Variants in CYTH1 observed in about 807,000 individuals in gnomAD.
The protein encoded by CYTH1 is cytohesin 1, also known as cytohesin-1.
A neutral mutation model predicts 61.8 loss-of-function variants in CYTH1; 18 were observed. The observed-to-expected ratio is 0.29, with a 90% CI of 0.20 to 0.43. CYTH1 has a LOEUF of 0.43. Ranked by LOEUF, CYTH1 falls within the 20% of genes least tolerant of loss-of-function variation. The pLI, the probability that CYTH1 is intolerant of heterozygous loss-of-function variation, is 1.00. For missense variants in CYTH1, 336 were observed against 510.5 expected (o/e 0.66, Z 3.29); for synonymous variants, 174 against 184.3 (o/e 0.94, Z 0.45).
intron 1 of CYTH1, 118 bp downstream of exon 1, chr17:78,782,084 G>T: frequency 1.1e-6 from 1 of 933,594 alleles, no homozygotes; most frequent in Non-Finnish European, 1.4e-6. Flanking sequence ...CCCGGGCTCC[G>T]CGTCCCGCAC....
At chr17:78,778,934 T>C (rs573004680) in intron 1 of CYTH1, among the ~76,000 whole-genome samples, 1 of 152,264 alleles carries the variant, frequency 6.6e-6, no homozygotes, top group East Asian at 1.9e-4. Context: ...GTGAAACCTA[T>C]GAGGGAAATG....
rs772507196 is a variant in CYTH1 at position 78,698,873 on chromosome 17, C to T, written c.646G>A (p.Ala216Thr). Residue 216 changes from alanine (A) to threonine (T), a missense_variant, in exon 8 of 14, where the codon GCC becomes ACC. Ala to Thr is a moderately conservative substitution (Grantham distance 58). Transcript: ENST00000446868. ...KDKPTVERFI[A>T]MNRGINDGGD... ...CCATCATTGATGCCTCGGTTCATGG[C>T]AATGAACCTCTCCACAGTGGGCTTA... 12 of 1,609,190 alleles carry T rather than the reference C, an allele frequency of 7.5e-6. 1 individual carries two copies. In the South Asian group the frequency reaches 1.3e-4, roughly 18 times the overall value.
chr17:78,738,482 G>A (rs2144627657), intron 1 of CYTH1, among the ~76,000 whole-genome samples: 1 of 152,224 alleles, frequency 6.6e-6, no homozygotes, highest in South Asian at 2.1e-4. Context: ...TGGGGAGCTG[G>A]GAACACACAC....
chr17:78,738,462 C>T (rs1168530801), intron 1 of CYTH1, among the ~76,000 whole-genome samples: 1 of 152,124 alleles, frequency 6.6e-6, no homozygotes. Flanking sequence ...AGACTTTGGC[C>T]AAGTCTCACT....
intron 1 of CYTH1, among the ~76,000 whole-genome samples, chr17:78,776,428 G>A (rs141935508): frequency 0.011 from 1,592 of 151,046 alleles, 27 homozygotes; most frequent in African/African-American, 0.036. Flanking sequence ...AGGCTGAGGC[G>A]GGCAGATCAT....
intron 1 of CYTH1, among the ~76,000 whole-genome samples, chr17:78,732,917 T>A (rs896383862): frequency 6.6e-6 from 1 of 151,790 alleles, no homozygotes; most frequent in African/African-American, 2.4e-5. Context: ...TGAAACCCTG[T>A]CTCTACTAAA....
At chr17:78,735,535 C>A (rs1198189682) in intron 1 of CYTH1, among the ~76,000 whole-genome samples, 2 of 152,240 alleles carry the variant, frequency 1.3e-5, no homozygotes, top group Admixed American at 1.3e-4. Context: ...TCTTCAGATA[C>A]AGAAGTATCG....
At chr17:78,775,934 C>T (rs1008842537) in intron 1 of CYTH1, among the ~76,000 whole-genome samples, 3 of 152,116 alleles carry the variant, frequency 2.0e-5, no homozygotes, top group Non-Finnish European at 4.4e-5. Context: ...GTGGGCAAAT[C>T]ACCTGAGGTC....
At chr17:78,732,177 G>A (rs1014612149) in intron 1 of CYTH1, among the ~76,000 whole-genome samples, 42 of 152,292 alleles carry the variant, frequency 2.8e-4, no homozygotes, top group African/African-American at 9.4e-4. Flanking sequence ...GCCCAGACCT[G>A]TGCCTACCAA....
chr17:78,707,529 G>A (rs959369368), intron 3 of CYTH1, among the ~76,000 whole-genome samples: 3 of 152,072 alleles, frequency 2.0e-5, no homozygotes, highest in Admixed American at 6.6e-5. Flanking sequence ...CTTTGAAATC[G>A]TATCAGCAGC....
At position 78,709,454 on chromosome 17, in the gene CYTH1, C is replaced by T. The variant is rs2093104701; in HGVS notation, c.105+196G>A. On this transcript the variant is annotated intron_variant, in intron 2 of 13. Coordinates refer to ENST00000446868, the MANE Select transcript of CYTH1 (RefSeq NM_004762.6). ...ACTGGGTGAACCTGGACAAGCCACT[C>T]AACCTCTCTGACACTGCATCTCCTC... is the stretch of plus-strand genomic sequence containing the variant. The T allele has an allele frequency of 3.4e-5, 19 of 566,314 alleles. No individual in the cohort carries two copies. The East Asian group carries it at 5.4e-4, about 16-fold the overall frequency. 35.1% of individuals were successfully genotyped at this position (566,314 alleles called of 1,614,324 possible). A position where few individuals can be genotyped will look rare whatever the true frequency, so the allele number is the denominator to read the frequency against.
chr17:78,716,455 ATAAG>A (rs1171559729), intron 1 of CYTH1, among the ~76,000 whole-genome samples: 3 of 152,200 alleles, frequency 2.0e-5, no homozygotes, highest in African/African-American at 7.2e-5. Context: ...GCTAGAATAA[ATAAG>A]ACATTTATCT....
intron 11 of CYTH1, among the ~76,000 whole-genome samples, chr17:78,690,005 G>T (rs914489073): frequency 6.6e-6 from 1 of 151,656 alleles, no homozygotes; most frequent in Non-Finnish European, 1.5e-5. Context: ...AATTCGTTCT[G>T]CCCCTTCCCC....
intron 11 of CYTH1, among the ~76,000 whole-genome samples, chr17:78,687,074 C>A (rs946648783): frequency 1.3e-5 from 2 of 152,122 alleles, no homozygotes; most frequent in African/African-American, 4.8e-5. Context: ...AGCCACCGCG[C>A]CCAGCCTACA....
chr17:78,742,028 T>C (rs1216154514), intron 1 of CYTH1, among the ~76,000 whole-genome samples: 2 of 152,240 alleles, frequency 1.3e-5, no homozygotes, highest in South Asian at 2.1e-4. Flanking sequence ...ATTATGTATA[T>C]GTTGTAACTT....
At chr17:78,779,420 A>G (rs1034289617) in intron 1 of CYTH1, among the ~76,000 whole-genome samples, 47 of 151,512 alleles carry the variant, frequency 3.1e-4, no homozygotes, top group Non-Finnish European at 4.6e-4. Flanking sequence ...AAAAAAAAAA[A>G]AAAGAAAGGG....
rs1023439654 is a variant in CYTH1 at position 78,675,992 on chromosome 17, G to T, written c.*99C>A. On this transcript the variant is annotated 3_prime_UTR_variant, in exon 14 of 14. Coordinates refer to ENST00000446868, the MANE Select transcript of CYTH1 (RefSeq NM_004762.6). Reference sequence around the variant, plus strand: ...TCTCTAGGAATCCAGGGCGGGGCCTGGCAGAGGACGCTCTGCTCGGCAGCA... The same window carrying T: ...TCTCTAGGAATCCAGGGCGGGGCCTTGCAGAGGACGCTCTGCTCGGCAGCA... 3 of 1,549,994 alleles carry T rather than the reference G, an allele frequency of 1.9e-6. No homozygotes were observed. Among genetic ancestry groups the T allele is most frequent in the East Asian group, 4.8e-5 (2 of 41,466 alleles).
Position 78,781,433 on chromosome 17 carries a change from C to T in CYTH1, c.22+769G>A, listed in dbSNP as rs542140641. 3.3e-5 allele frequency among the ~76,000 whole-genome samples: 5 copies of T among 152,344 alleles called. No individual in the cohort carries two copies. The East Asian group carries it at 9.6e-4, about 29-fold the overall frequency. On this transcript the variant is annotated intron_variant, in intron 1 of 13. Coordinates refer to ENST00000446868, the MANE Select transcript of CYTH1 (RefSeq NM_004762.6). Reference sequence around the variant, plus strand: ...GGCCTGGGCCAGCAGCCTCAACGCGCGGGAGCGAAGGGAGCGGGACAGCGG... The same window carrying T: ...GGCCTGGGCCAGCAGCCTCAACGCGTGGGAGCGAAGGGAGCGGGACAGCGG...
At chr17:78,705,605 A>G (rs1032448825) in intron 3 of CYTH1, among the ~76,000 whole-genome samples, 5 of 152,192 alleles carry the variant, frequency 3.3e-5, no homozygotes, top group African/African-American at 9.6e-5. Context: ...ATTCTCTCCT[A>G]TAAGAAAGTC....
Sources: allele counts gnomAD v4.1 joint callset (sites outside exome capture counted in the v4.1 genomes callset), GRCh38; gene constraint gnomAD v4.1.1; transcripts MANE v1.5; gene names NCBI Gene and HGNC (gene_info 2026-07-23, HGNC 2026-07-21).